The following GRM5 variants were observed in gnomAD, a reference collection of about 807,000 sequenced individuals.
GRM5 encodes the protein metabotropic glutamate receptor 5.
Under a neutral mutation model 83.1 loss-of-function variants are expected in GRM5, and 19 were observed. The observed-to-expected ratio is 0.23, with a 90% confidence interval of 0.16 to 0.34. GRM5 has a LOEUF of 0.34. Among genes scored for constraint, GRM5 ranks in the 10% least tolerant of loss-of-function variants. The probability of loss-of-function intolerance (pLI) is 1.00; values close to 1 mark genes in which losing one functional copy is unlikely to be tolerated. For missense variants in GRM5, 1,160 were observed against 1,588.3 expected (o/e 0.73, Z 4.58); for synonymous variants, 675 against 633.6 (o/e 1.07, Z -0.98).
chr11:88,908,952 T>G (rs1945449633), intron 2 of GRM5, among the ~76,000 whole-genome samples: 1 of 152,138 alleles, frequency 6.6e-6, no homozygotes, highest in Non-Finnish European at 1.5e-5. Flanking sequence ...ATTAGTACTC[T>G]GATGGTCAGA....
intron 3 of GRM5, among the ~76,000 whole-genome samples, chr11:88,835,885 T>G (rs1173464766): frequency 6.6e-6 from 1 of 152,216 alleles, no homozygotes; most frequent in African/African-American, 2.4e-5. Flanking sequence ...CTTTGAACAT[T>G]ATGTTCCAGG....
chr11:88,901,229 GGTGGATAAT>G (rs1945310490), intron 2 of GRM5, among the ~76,000 whole-genome samples: 1 of 151,852 alleles, frequency 6.6e-6, no homozygotes, highest in Non-Finnish European at 1.5e-5. Flanking sequence ...AATGGTTTGG[GGTGGATAAT>G]AATAATAAAA....
intron 8 of GRM5, among the ~76,000 whole-genome samples, chr11:88,551,973 T>C (rs546534763): frequency 6.6e-6 from 1 of 152,190 alleles, no homozygotes; most frequent in South Asian, 2.1e-4. Flanking sequence ...TTTTAAAATC[T>C]AGCATCAACA....
rs1224152501 is a variant in GRM5 at position 88,861,305 on chromosome 11, A to G, written c.662-11150T>C. Among the ~76,000 whole-genome samples the G allele has an allele frequency of 2.0e-5, 3 of 152,150 alleles. No homozygotes were observed. In the East Asian group the frequency reaches 5.8e-4, roughly 29 times the overall value. ...AGGCACAGCACATGCTCCAGCCATA[A>G]CAAAGGATATGTAGATCAAATACAC... On this transcript the variant is annotated intron_variant, in intron 2 of 9. Transcript: ENST00000305447.
intron 2 of GRM5, among the ~76,000 whole-genome samples, chr11:88,883,163 A>T (rs1766231340): frequency 6.6e-6 from 1 of 152,224 alleles, no homozygotes; most frequent in African/African-American, 2.4e-5. Context: ...TTCTGTAAAG[A>T]TACCCCAAAA....
At chr11:88,525,229 C>A (rs1941838334) in intron 9 of GRM5, 80 bp downstream of exon 9, 3 of 830,952 alleles carry the variant, frequency 3.6e-6, no homozygotes, top group Non-Finnish European at 6.2e-6. Context: ...TGAGTGAGGA[C>A]CCAGACCAGG....
At chr11:88,750,157 G>A (rs556656043) in intron 3 of GRM5, among the ~76,000 whole-genome samples, 3 of 152,232 alleles carry the variant, frequency 2.0e-5, no homozygotes, top group East Asian at 1.9e-4. Flanking sequence ...TGGACGAAGA[G>A]CCAAGACCCA....
At chr11:88,894,036 C>A (rs316101) in intron 2 of GRM5, among the ~76,000 whole-genome samples, 76,416 of 151,732 alleles carry the variant, frequency 0.5, 19,874 homozygotes, top group South Asian at 0.6. Flanking sequence ...GAGTTTGCAT[C>A]GGTGAATGCT....
At chr11:88,930,635 C>A (rs1383128321) in intron 2 of GRM5, among the ~76,000 whole-genome samples, 2 of 151,940 alleles carry the variant, frequency 1.3e-5, no homozygotes, top group African/African-American at 4.8e-5. Context: ...GCAACCTCTG[C>A]CTCCTGGGTT....
intron 4 of GRM5, among the ~76,000 whole-genome samples, chr11:88,640,962 C>T (rs928132655): frequency 9.2e-5 from 14 of 151,606 alleles, no homozygotes; most frequent in Admixed American, 8.5e-4. Flanking sequence ...GTAGATTCTT[C>T]TTGGCTTCTG....
At chr11:88,721,480 G>A (rs1312308442) in intron 3 of GRM5, among the ~76,000 whole-genome samples, 1 of 152,012 alleles carries the variant, frequency 6.6e-6, no homozygotes, top group Non-Finnish European at 1.5e-5. Flanking sequence ...CAAGTATCTG[G>A]TGGTTACAAA....
At chr11:88,536,816 C>T (rs1942145736) in intron 8 of GRM5, among the ~76,000 whole-genome samples, 1 of 152,138 alleles carries the variant, frequency 6.6e-6, no homozygotes, top group African/African-American at 2.4e-5. Context: ...TGGGACCATC[C>T]TAATTTTGGA....
In GRM5 at chr11:88,507,514, T is replaced by G. The variant is rs2135068268; in HGVS notation, c.*1078A>C. ...AGTCTCTCAAATCATGACAATGTCT[T>G]CATGGGGTCTATGGACCACTCTTCC... On this transcript the variant is annotated 3_prime_UTR_variant, in exon 10 of 10. Transcript: ENST00000305447. 1 of 152,360 alleles carries G rather than the reference T, an allele frequency of 6.6e-6. No homozygotes were observed. Among genetic ancestry groups the G allele is most frequent in the East Asian group, 1.9e-4 (1 of 5,188 alleles). 9.4% of individuals were successfully genotyped at this position (152,360 alleles called of 1,614,324 possible). A position where few individuals can be genotyped will look rare whatever the true frequency, so the allele number is the denominator to read the frequency against.
chr11:88,630,026 C>T (rs76809901), intron 4 of GRM5, among the ~76,000 whole-genome samples: 3,917 of 152,236 alleles, frequency 0.026, 212 homozygotes, highest in Admixed American at 0.14. Context: ...AGTTCCCACA[C>T]CTCTCCAGGC....
At chr11:88,874,401 C>G (rs1222686691) in intron 2 of GRM5, among the ~76,000 whole-genome samples, 2 of 151,768 alleles carry the variant, frequency 1.3e-5, no homozygotes, top group Non-Finnish European at 2.9e-5. Context: ...AAGAATGACA[C>G]TATAACCGTA....
chr11:88,921,663 C>T (rs551949493), intron 2 of GRM5, among the ~76,000 whole-genome samples: 2 of 151,664 alleles, frequency 1.3e-5, no homozygotes, highest in East Asian at 1.9e-4. Flanking sequence ...AGGAACATAA[C>T]AACAACTGAA....
chr11:88,918,476 C>A (rs1354946579), intron 2 of GRM5, among the ~76,000 whole-genome samples: 1 of 151,522 alleles, frequency 6.6e-6, no homozygotes, highest in Non-Finnish European at 1.5e-5. Flanking sequence ...GGGATTTCAT[C>A]CATACCAGAT....
intron 8 of GRM5, among the ~76,000 whole-genome samples, chr11:88,542,413 A>T (rs1942287603): frequency 6.6e-6 from 1 of 152,218 alleles, no homozygotes; most frequent in African/African-American, 2.4e-5. Flanking sequence ...AAGAAGAGAA[A>T]GAGGAAGAGC....
intron 8 of GRM5, among the ~76,000 whole-genome samples, chr11:88,535,786 G>A (rs1367747765): frequency 1.3e-5 from 2 of 152,038 alleles, no homozygotes; most frequent in African/African-American, 4.8e-5. Context: ...GTGTGTGAGT[G>A]TATATATATG....
Sources: allele counts gnomAD v4.1 joint callset (sites outside exome capture counted in the v4.1 genomes callset), GRCh38; gene constraint gnomAD v4.1.1; transcripts MANE v1.5; gene names NCBI Gene and HGNC (gene_info 2026-07-23, HGNC 2026-07-21).